Variants in LIMS4 observed in about 807,000 individuals in gnomAD.
LIMS4 encodes the protein LIM zinc finger domain containing 4.
the LIMS4 span, among the ~76,000 whole-genome samples, chr2:110,424,895 A>G: frequency 2.0e-4 from 28 of 143,216 alleles, 1 homozygote; most frequent in South Asian, 6.1e-3. Context: ...AATTGCGGGG[A>G]GGATTGAAAA....
the LIMS4 span, among the ~76,000 whole-genome samples, chr2:110,432,765 G>A: frequency 8.4e-6 from 1 of 119,452 alleles, no homozygotes; most frequent in Non-Finnish European, 1.8e-5. Flanking sequence ...GACAGGGCTT[G>A]CAGTAGCCAC....
At chr2:110,392,011 T>A in the LIMS4 span, among the ~76,000 whole-genome samples, 3 of 150,902 alleles carry the variant, frequency 2.0e-5, no homozygotes, top group South Asian at 2.1e-4. Context: ...TCTTATCAGA[T>A]AAATTTGGGA....
chr2:110,371,959 G>C, the LIMS4 span, among the ~76,000 whole-genome samples: 1 of 152,050 alleles, frequency 6.6e-6, no homozygotes, highest in African/African-American at 2.4e-5. Context: ...CTGCCTCCCA[G>C]GTGGGTGGAA....
At chr2:110,427,003 TG>T in the LIMS4 span, among the ~76,000 whole-genome samples, 6 of 124,170 alleles carry the variant, frequency 4.8e-5, no homozygotes, top group Non-Finnish European at 7.9e-5. Flanking sequence ...CAACATCTAT[TG>T]TTTTTTGATT....
At chr2:110,373,737 T>G in the LIMS4 span, among the ~76,000 whole-genome samples, 1 of 149,720 alleles carries the variant, frequency 6.7e-6, no homozygotes, top group African/African-American at 2.6e-5. Flanking sequence ...GCAGCCAATC[T>G]CTGCCCGCCC....
the LIMS4 span, among the ~76,000 whole-genome samples, chr2:110,407,661 C>T: frequency 1.5e-5 from 2 of 137,900 alleles, no homozygotes; most frequent in African/African-American, 5.5e-5. Flanking sequence ...GCTCACATAT[C>T]TAATCCCAGG....
the LIMS4 span, chr2:110,361,168 G>A: frequency 9.2e-6 from 8 of 868,530 alleles, no homozygotes; most frequent in African/African-American, 1.1e-4. Context: ...GGTCCTTGAT[G>A]CCATGCGTCA....
the LIMS4 span, chr2:110,360,647 C>T: frequency 6.7e-7 from 1 of 1,488,302 alleles, no homozygotes; most frequent in Non-Finnish European, 9.2e-7. Flanking sequence ...TTGATGAAGG[C>T]CATACCATGT....
At chr2:110,424,326 G>A in the LIMS4 span, among the ~76,000 whole-genome samples, 36 of 61,696 alleles carry the variant, frequency 5.8e-4, 1 homozygote, top group African/African-American at 2.1e-3. Flanking sequence ...CTTCCCATGG[G>A]GCGCCCCCAG....
At chr2:110,386,069 T>C in the LIMS4 span, among the ~76,000 whole-genome samples, 1 of 137,810 alleles carries the variant, frequency 7.3e-6, no homozygotes, top group Non-Finnish European at 1.5e-5. Flanking sequence ...ACGCCTCTAA[T>C]CCCAGCTACT....
At chr2:110,366,441 C>T in the LIMS4 span, among the ~76,000 whole-genome samples, 1 of 151,872 alleles carries the variant, frequency 6.6e-6, no homozygotes, top group Non-Finnish European at 1.5e-5. Flanking sequence ...AAACAAAAAC[C>T]ACATAATCAT....
At chr2:110,397,598 C>CA in the LIMS4 span, 2 of 92,742 alleles carry the variant, frequency 2.2e-5, no homozygotes, top group Non-Finnish European at 4.5e-5. Flanking sequence ...TGACCTTAGG[C>CA]AAAATCCCAC....
the LIMS4 span, among the ~76,000 whole-genome samples, chr2:110,425,098 C>T: frequency 7.0e-6 from 1 of 142,390 alleles, no homozygotes; most frequent in Admixed American, 6.9e-5. Context: ...TAACACTCAC[C>T]AGCAAGGTCC....
At chr2:110,390,676 G>A in the LIMS4 span, among the ~76,000 whole-genome samples, 1 of 149,386 alleles carries the variant, frequency 6.7e-6, no homozygotes, top group Non-Finnish European at 1.5e-5. Context: ...TCCACAGTCC[G>A]AGCTGGTCCG....
At chr2:110,390,476 C>T in the LIMS4 span, among the ~76,000 whole-genome samples, 2 of 133,672 alleles carry the variant, frequency 1.5e-5, no homozygotes, top group Admixed American at 7.5e-5. Flanking sequence ...GATGTGGGAG[C>T]GTGGATTTGC....
chr2:110,389,908 T>G, the LIMS4 span, among the ~76,000 whole-genome samples: 2 of 145,130 alleles, frequency 1.4e-5, no homozygotes, highest in African/African-American at 5.4e-5. Flanking sequence ...GAGGCCAGGC[T>G]GGGGGATCCC....
At chr2:110,373,798 C>G in the LIMS4 span, among the ~76,000 whole-genome samples, 1 of 148,540 alleles carries the variant, frequency 6.7e-6, no homozygotes, top group African/African-American at 2.6e-5. Context: ...ACCTTCCTGG[C>G]CTTTGTGCTC....
At chr2:110,397,311 T>G in the LIMS4 span, 15 of 143,254 alleles carry the variant, frequency 1.0e-4, no homozygotes, top group Admixed American at 4.9e-4. Flanking sequence ...TTATAGTAGC[T>G]AATTTACTAT....
the LIMS4 span, among the ~76,000 whole-genome samples, chr2:110,390,107 C>A: frequency 7.7e-6 from 1 of 129,374 alleles, no homozygotes; most frequent in Non-Finnish European, 1.6e-5. Flanking sequence ...TGGGTCACCC[C>A]AAGAGTCCCA....
Sources: gnomAD v4.1 joint callset for allele counts (sites outside exome capture counted in the v4.1 genomes callset) on GRCh38, gnomAD v4.1.1 for gene constraint, MANE v1.5 for transcripts, NCBI Gene and HGNC (gene_info 2026-07-23, HGNC 2026-07-21) for gene names.